SEPHS1: variants seen among roughly 807,000 people sequenced by gnomAD.
The protein encoded by SEPHS1 is zincore component SEPHS1.
Under a neutral mutation model 39.2 loss-of-function variants are expected in SEPHS1, and 7 were observed. That is an observed-to-expected ratio of 0.18 (90% CI 0.10 to 0.34). The LOEUF is 0.34. Among genes scored for constraint, SEPHS1 ranks in the 10% least tolerant of loss-of-function variants. SEPHS1 has a pLI of 1.00. For missense variants in SEPHS1, 253 were observed against 514.5 expected (o/e 0.49, Z 4.92); for synonymous variants, 190 against 195.5 (o/e 0.97, Z 0.23).
At chr10:13,334,643 G>A (rs755491984) in intron 4 of SEPHS1, among the ~76,000 whole-genome samples, 23 of 152,202 alleles carry the variant, frequency 1.5e-4, no homozygotes, top group Non-Finnish European at 2.4e-4. Flanking sequence ...CCGGGAGGCT[G>A]AGGCTGCTGC....
intron 5 of SEPHS1, among the ~76,000 whole-genome samples, chr10:13,333,074 A>C (rs896386509): frequency 1.1e-4 from 16 of 152,150 alleles, no homozygotes; most frequent in African/African-American, 3.9e-4. Flanking sequence ...AGTATACTCC[A>C]AACCACTGAC....
chr10:13,335,002 G>A (rs948190269), intron 4 of SEPHS1, among the ~76,000 whole-genome samples: 6 of 152,156 alleles, frequency 3.9e-5, no homozygotes, highest in Non-Finnish European at 7.3e-5. Context: ...CAGAGCCTGC[G>A]CCAAGACCAC....
At chr10:13,336,477 G>C (rs1271515290) in intron 3 of SEPHS1, 127 bp from the exon 4 acceptor site, 1 of 718,018 alleles carries the variant, frequency 1.4e-6, no homozygotes, top group African/African-American at 1.8e-5. Flanking sequence ...ACTAGGATGG[G>C]GTCCTCAGTT....
chr10:13,346,495 A>G (rs1267363351), intron 1 of SEPHS1, among the ~76,000 whole-genome samples: 1 of 152,198 alleles, frequency 6.6e-6, no homozygotes, highest in Non-Finnish European at 1.5e-5. Flanking sequence ...GGGAAACGTA[A>G]CAACTGAGCA....
chr10:13,341,855 G>A (rs1378539982), intron 2 of SEPHS1, among the ~76,000 whole-genome samples: 3 of 151,900 alleles, frequency 2.0e-5, no homozygotes, highest in Admixed American at 6.6e-5. Flanking sequence ...GCTACTTGGA[G>A]GGAGGCTGAG....
intron 4 of SEPHS1, among the ~76,000 whole-genome samples, chr10:13,335,006 A>C (rs575526363): frequency 6.6e-6 from 1 of 152,352 alleles, no homozygotes; most frequent in South Asian, 2.1e-4. Flanking sequence ...GCCTGCGCCA[A>C]GACCACCATG....
intron 5 of SEPHS1, among the ~76,000 whole-genome samples, chr10:13,333,093 T>A (rs527824710): frequency 3.3e-5 from 5 of 151,960 alleles, no homozygotes; most frequent in South Asian, 4.2e-4. Flanking sequence ...ACTCTTTAAA[T>A]GGGTGAATGG....
intron 7 of SEPHS1, among the ~76,000 whole-genome samples, chr10:13,324,912 C>T (rs991252952): frequency 2.0e-5 from 3 of 152,324 alleles, no homozygotes; most frequent in Middle Eastern, 3.4e-3. Context: ...TCCCTATTGA[C>T]GTACCACACT....
intron 1 of SEPHS1, among the ~76,000 whole-genome samples, chr10:13,347,670 C>G (rs1362340114): frequency 1.4e-5 from 2 of 146,860 alleles, no homozygotes; most frequent in African/African-American, 2.5e-5. Flanking sequence ...CACGGGCCGC[C>G]GCCGCCGCCG....
At chr10:13,343,407 T>C (rs1833848544) in intron 2 of SEPHS1, among the ~76,000 whole-genome samples, 1 of 152,160 alleles carries the variant, frequency 6.6e-6, no homozygotes, top group South Asian at 2.1e-4. Flanking sequence ...GTAACATTTC[T>C]TCCTTTCCAA....
At chr10:13,323,419 A>C (rs1174847792) in intron 7 of SEPHS1, among the ~76,000 whole-genome samples, 1 of 152,092 alleles carries the variant, frequency 6.6e-6, no homozygotes, top group Non-Finnish European at 1.5e-5. Context: ...CAGTCGTACG[A>C]TCTCGGCTCA....
At chr10:13,341,329 C>A (rs1414027348) in intron 2 of SEPHS1, among the ~76,000 whole-genome samples, 1 of 149,186 alleles carries the variant, frequency 6.7e-6, no homozygotes, top group African/African-American at 2.4e-5. Context: ...CTAGACAGAA[C>A]AGTTTAGGTT....
rs569947686 is a variant in SEPHS1, at chr10:13,321,243, G to A, written c.964+1592C>T. 1.5e-3 allele frequency among the ~76,000 whole-genome samples: 208 copies of A among 135,626 alleles called. 1 individual carries two copies. The highest frequency in any genetic ancestry group is 6.3e-3 in the South Asian group (26 of 4,134). The allele number at this position is 135,626 out of a possible 152,430, so 89.0% of individuals were successfully genotyped here. A position where few individuals can be genotyped will look rare whatever the true frequency, so the allele number is the denominator to read the frequency against. On this transcript the variant is annotated intron_variant, in intron 8 of 8. Coordinates refer to ENST00000327347, the MANE Select transcript of SEPHS1 (RefSeq NM_012247.5). ...TTTTTGGGAGGCTGGGGCTAGGCAT[G>A]TGTATTTTTCTTTTTTTTTTTGAGA...
intron 2 of SEPHS1, 101 bp from the exon 3 acceptor site, chr10:13,338,909 T>C (rs1833714057): frequency 5.8e-6 from 5 of 867,310 alleles, no homozygotes; most frequent in East Asian, 4.9e-5. Context: ...AAGATACTTA[T>C]GGAAACTGCA....
At chr10:13,325,028 T>TAAAACACAGGA in intron 7 of SEPHS1, among the ~76,000 whole-genome samples, 1 of 152,220 alleles carries the variant, frequency 6.6e-6, no homozygotes, top group African/African-American at 2.4e-5. Flanking sequence ...ATTATTGAGT[T>TAAAACACAGGA]TTAAGAGTCC....
At chr10:13,341,061 T>C (rs183217285) in intron 2 of SEPHS1, among the ~76,000 whole-genome samples, 18 of 152,362 alleles carry the variant, frequency 1.2e-4, no homozygotes, top group African/African-American at 4.3e-4. Context: ...ATTTTTGTTA[T>C]CGGGTTTTTA....
intron 4 of SEPHS1, among the ~76,000 whole-genome samples, chr10:13,334,796 G>A (rs879628696): frequency 2.6e-5 from 4 of 152,230 alleles, no homozygotes; most frequent in Non-Finnish European, 5.9e-5. Flanking sequence ...AGACAACAAT[G>A]TAAATAAAGC....
chr10:13,345,857 AGAGT>A (rs1833906764), intron 1 of SEPHS1, among the ~76,000 whole-genome samples: 1 of 152,246 alleles, frequency 6.6e-6, no homozygotes, highest in South Asian at 2.1e-4. Context: ...AGCCTGGGCG[AGAGT>A]GAGACTCCGT....
chr10:13,320,432 T>C (rs908319097), intron 8 of SEPHS1, among the ~76,000 whole-genome samples: 15 of 152,026 alleles, frequency 9.9e-5, no homozygotes, highest in African/African-American at 1.4e-4. Context: ...CCACCCGCCT[T>C]GGCCTCCCAA....
Sources: gnomAD v4.1 joint callset for allele counts (sites outside exome capture counted in the v4.1 genomes callset) on GRCh38, gnomAD v4.1.1 for gene constraint, MANE v1.5 for transcripts, NCBI Gene and HGNC (gene_info 2026-07-23, HGNC 2026-07-21) for gene names.